Variants in RYR1 observed in about 807,000 individuals in gnomAD.
RYR1 encodes the protein ryanodine receptor 1, also known as central core disease of muscle.
In RYR1, 342 loss-of-function variants were observed where a neutral mutation model predicts 583.5. The observed-to-expected ratio is 0.59, with a 90% CI of 0.54 to 0.64. The LOEUF is 0.64. RYR1 is among the 30% of genes least tolerant of loss of function. The pLI is 0.00. For missense variants in RYR1, 6,032 were observed against 6,917.2 expected, an observed-to-expected ratio of 0.87 and a Z score of 4.54; for synonymous variants, 2,791 against 2,822.5, an observed-to-expected ratio of 0.99 and a Z score of 0.35.
At chr19:38,502,751 T>TGGGGGTGGGGCA (rs1424520758) in intron 48 of RYR1, 24 bp downstream of exon 48, 10 of 1,046,150 alleles carry the variant, frequency 9.6e-6, no homozygotes, top group African/African-American at 2.5e-5. Flanking sequence ...GGCTTCAGGG[T>TGGGGGTGGGGCA]GGGGCAGGGG....
intron 1 of RYR1, among the ~76,000 whole-genome samples, chr19:38,435,464 G>A (rs1403433478): frequency 6.6e-6 from 1 of 152,212 alleles, no homozygotes; most frequent in East Asian, 1.9e-4. Flanking sequence ...GGGCTCAGTG[G>A]CTCATGCCTG....
rs770776594 is a variant in RYR1, at chr19:38,489,272, G to C, written c.5643G>C (p.Glu1881Asp). 12 of 1,609,742 alleles carry C rather than the reference G, an allele frequency of 7.5e-6. No individual in the cohort carries two copies. In the Admixed American group the frequency reaches 1.8e-4, roughly 25 times the overall value. ...FTEEEEEEDE[E>D]EEGEEEDEEE... Reference sequence around the variant, plus strand: ...AGGAAGAAGAGGAGGAGGACGAGGAGGAAGAGGGTGAAGAGGAAGATGAGG... The same window carrying C: ...AGGAAGAAGAGGAGGAGGACGAGGACGAAGAGGGTGAAGAGGAAGATGAGG... The change falls in exon 35 of 106, where the codon GAG becomes GAC. Residue 1881 changes from glutamate (E) to aspartate (D), a missense_variant. Glu to Asp is a conservative substitution (Grantham distance 45). This residue lies in a region of RYR1 where 2,627 missense variants were observed against 2,961.3 expected (regional missense o/e 0.89). Coordinates refer to ENST00000359596, the MANE Select transcript of RYR1 (RefSeq NM_000540.3).
Position 38,516,123 on chromosome 19 carries a change from G to C in RYR1, c.9591G>C (p.Leu3197=). The part of the protein sequence containing the change: ...RPALGECLAR[L]AAAMPVAFLE... The stretch of plus-strand genomic sequence containing the variant: ...CCCTCGGGGAGTGCCTGGCCCGTCT[G>C]GCAGCAGCCATGCCGGTGGCGTTCC... Residue 3197 remains leucine (L), a synonymous_variant, in exon 65 of 106, where the codon CTG becomes CTC. Coordinates refer to ENST00000359596, the MANE Select transcript of RYR1 (RefSeq NM_000540.3). The C allele has an allele frequency of 6.5e-7, 1 of 1,550,324 alleles. No individual in the cohort carries two copies. The highest frequency in any genetic ancestry group is 8.7e-7 in the Non-Finnish European group (1 of 1,147,220).
At position 38,558,769 on chromosome 19, in the gene RYR1, ACT is replaced by A. The variant is rs370880841; in HGVS notation, c.12283-2341_12283-2340del. On this transcript the variant is annotated intron_variant, in intron 89 of 105. Coordinates refer to ENST00000359596, the MANE Select transcript of RYR1 (RefSeq NM_000540.3). ...ACTCCAGCCTGGGTGACAGAGCAAGACTCTGTCTCAAAAAATAAAAATAATTT... is the reference window on the plus strand; with the variant it reads ...ACTCCAGCCTGGGTGACAGAGCAAGACTGTCTCAAAAAATAAAAATAATTT... Among the ~76,000 whole-genome samples the A allele has an allele frequency of 4.4e-3, 663 of 151,406 alleles. 5 individuals are homozygous for A. The highest frequency in any genetic ancestry group is 0.015 in the African/African-American group (623 of 41,180).
Position 38,523,046 on chromosome 19 carries a change from G to C in RYR1, c.10278G>C (p.Glu3426Asp), listed in dbSNP as rs534659075. The C allele has an allele frequency of 1.9e-6, 3 of 1,605,568 alleles. No individual in the cohort carries two copies. In the South Asian group the frequency reaches 3.3e-5, roughly 18 times the overall value. The change falls in exon 68 of 106, where the codon GAG becomes GAC. Residue 3426 changes from glutamate to aspartate, a missense_variant. Around this residue, in one of 11 missense-constraint regions of RYR1, gnomAD observed 1,493 missense variants for 1,715.5 expected, o/e 0.87. Transcript: ENST00000359596. The part of the protein sequence containing the change: ...VDNNRAQWLT[E>D]PNPSAEELFR... ...ACCCCAGGGCGCAGTGGCTGACGGA[G>C]CCGAATCCCAGCGCGGAGGAGCTGT...
intron 90 of RYR1, among the ~76,000 whole-genome samples, chr19:38,564,492 C>G (rs1029846426): frequency 2.0e-4 from 30 of 152,218 alleles, no homozygotes; most frequent in African/African-American, 5.8e-4. Flanking sequence ...TTCATTCCAG[C>G]CTAGGAGACA....
At chr19:38,447,923 G>A (rs1973028379) in intron 9 of RYR1, among the ~76,000 whole-genome samples, 1 of 151,138 alleles carries the variant, frequency 6.6e-6, no homozygotes, top group Non-Finnish European at 1.5e-5. Flanking sequence ...GGTTTGGGGG[G>A]TTTTTGAGGG....
chr19:38,439,570 G>A (rs768557788), intron 1 of RYR1, among the ~76,000 whole-genome samples: 3 of 152,106 alleles, frequency 2.0e-5, no homozygotes, highest in Admixed American at 2.0e-4. Context: ...GCAATGGCTC[G>A]ATCTCAGCTC....
Position 38,500,670 on chromosome 19 carries a change from T to C in RYR1, c.7388T>C (p.Leu2463Ser). The C allele has an allele frequency of 6.2e-7, 1 of 1,614,084 alleles. No individual in the cohort carries two copies. Residue 2463 changes from leucine to serine, a missense_variant, in exon 46 of 106, where the codon TTG becomes TCG. Leu to Ser is a moderately radical substitution (Grantham distance 145). Transcript: ENST00000359596. The surrounding 1 kb of genome is among the most constrained non-coding windows in gnomAD (Gnocchi z 5.9). ...IRAILRSLVP[L>S]EDLVGIISLP... ...GCCATCCTCCGCTCCCTTGTGCCCT[T>C]GGAGGACCTTGTGGGCATCATCAGC...
At chr19:38,455,596 A>G in intron 15 of RYR1, 37 bp from the exon 16 acceptor site, 1 of 1,607,980 alleles carries the variant, frequency 6.2e-7, no homozygotes, top group Non-Finnish European at 8.5e-7. Context: ...GGGGATGGGC[A>G]TGGCCGCTTC....
chr19:38,445,146 C>T (rs1006080885), intron 7 of RYR1, among the ~76,000 whole-genome samples: 1 of 138,952 alleles, frequency 7.2e-6, no homozygotes, highest in Non-Finnish European at 1.5e-5. Flanking sequence ...ATCCCACCTA[C>T]TCAGGAGGGT....
At chr19:38,510,836 T>C in intron 60 of RYR1, 55 bp downstream of exon 60, 1 of 1,611,692 alleles carries the variant, frequency 6.2e-7, no homozygotes. Flanking sequence ...ATTGTAATCC[T>C]TTGCCCATGG....
At position 38,499,570 on chromosome 19, in the gene RYR1, G is replaced by T; in HGVS notation, c.7028-65G>T. 6.4e-7 allele frequency: 1 copy of T among 1,563,038 alleles called. No individual in the cohort carries two copies. The highest frequency in any genetic ancestry group is 8.7e-7 in the Non-Finnish European group (1 of 1,153,960). ...GTTACCCCTGGAGGTGTTGGGTCCT[G>T]GGGCTGCATGGGGAGGTCTCTGATG... On this transcript the variant is annotated intron_variant, in intron 43 of 105. Coordinates refer to ENST00000359596, the MANE Select transcript of RYR1 (RefSeq NM_000540.3). This position sits in a 1 kb window ranked among gnomAD's most constrained non-coding sequence, Gnocchi z 7.3.
At chr19:38,527,077 A>G (rs775228787) in intron 72 of RYR1, 25 bp downstream of exon 72, 3 of 1,613,000 alleles carry the variant, frequency 1.9e-6, no homozygotes, top group African/African-American at 2.7e-5. Flanking sequence ...TCTGCAAGCA[A>G]AAGAAGCAAG....
chr19:38,494,768 A>C (rs987434322), intron 39 of RYR1, 143 bp downstream of exon 39: 3 of 1,011,434 alleles, frequency 3.0e-6, no homozygotes, highest in Non-Finnish European at 4.5e-6. Context: ...CCTCCTGGGT[A>C]ATGTCTCCTT....
In RYR1 at chr19:38,506,944, G is replaced by C. The variant is rs747783902; in HGVS notation, c.8808G>C (p.Ala2936=). 6.2e-7 allele frequency: 1 copy of C among 1,612,642 alleles called. No homozygotes were observed. Among genetic ancestry groups the C allele is most frequent in the Non-Finnish European group, 8.5e-7 (1 of 1,180,020 alleles). The part of the protein sequence containing the change: ...LLKFLQMNGY[A]VTRGLKDMEL... ...AATTCCTGCAGATGAATGGCTACGCGGTTACAAGGCACGCGGGTTGGGGCT... is the reference window on the plus strand; with the variant it reads ...AATTCCTGCAGATGAATGGCTACGCCGTTACAAGGCACGCGGGTTGGGGCT... The change falls in exon 57 of 106, where the codon GCG becomes GCC. Residue 2936 remains alanine, a synonymous_variant. Transcript: ENST00000359596.
At position 38,535,574 on chromosome 19, in the gene RYR1, G is replaced by A. The variant is rs913323690; in HGVS notation, c.11516+182G>A. 1.1e-4 allele frequency: 74 copies of A among 667,088 alleles called. 1 individual carries two copies. In the East Asian group the frequency reaches 2.0e-3, roughly 18 times the overall value. The allele number at this position is 667,088 out of a possible 1,614,324, so 41.3% of individuals were successfully genotyped here. ...TGTAGAACAATAAGGGAGGCAAAATGTCATAGACTTGAAGAATGAGTTGCA... is the reference window on the plus strand; with the variant it reads ...TGTAGAACAATAAGGGAGGCAAAATATCATAGACTTGAAGAATGAGTTGCA... On this transcript the variant is annotated intron_variant, in intron 81 of 105. Coordinates refer to ENST00000359596, the MANE Select transcript of RYR1 (RefSeq NM_000540.3).
Position 38,587,500 on chromosome 19 carries a change from C to T in RYR1, c.*80C>T, listed in dbSNP as rs561909203. The T allele has an allele frequency of 3.0e-6, 3 of 1,006,880 alleles. No individual in the cohort carries two copies. Among genetic ancestry groups the T allele is most frequent in the African/African-American group, 3.2e-5 (2 of 63,112 alleles). 62.4% of individuals were successfully genotyped at this position (1,006,880 alleles called of 1,614,324 possible). On this transcript the variant is annotated 3_prime_UTR_variant, in exon 106 of 106. Transcript: ENST00000359596. Reference sequence around the variant, plus strand: ...GCCCCTTAGTCCCCAAGCCCCTCCCCCTAAGGCAGCTGGGGGAGAGGTGAC... The same window carrying T: ...GCCCCTTAGTCCCCAAGCCCCTCCCTCTAAGGCAGCTGGGGGAGAGGTGAC...
At chr19:38,528,012 G>A in intron 73 of RYR1, 1 of 621,924 alleles carries the variant, frequency 1.6e-6, no homozygotes, top group Non-Finnish European at 2.8e-6. Flanking sequence ...TTTAGGTCTA[G>A]GGGTGGGGCC....
Sources: allele counts gnomAD v4.1 joint callset (sites outside exome capture counted in the v4.1 genomes callset), GRCh38; gene constraint gnomAD v4.1.1; regional missense constraint gnomAD v4.1.1; non-coding constraint Gnocchi (gnomAD v3.1); transcripts MANE v1.5; gene names NCBI Gene and HGNC (gene_info 2026-07-23, HGNC 2026-07-21).